Variants in ZNF350 observed in about 807,000 individuals in gnomAD.
The protein encoded by ZNF350 is KRAB zinc finger protein ZFQR.
ZNF350 carries 5 observed loss-of-function variants against 13.1 expected under a neutral mutation model. The ratio of observed to expected loss-of-function variants is 0.38; its 90% confidence interval spans 0.20 to 0.80. ZNF350 has a LOEUF of 0.80. Among genes scored for constraint, ZNF350 ranks in the 30% least tolerant of loss-of-function variants. ZNF350 has a pLI of 0.43. For missense variants in ZNF350, 534 were observed against 644.2 expected (o/e 0.83, Z 1.85); for synonymous variants, 199 against 224.2 (o/e 0.89, Z 1.00).
Position 51,976,569 on chromosome 19 carries a change from A to G in ZNF350, c.-171-2038T>C, listed in dbSNP as rs911704052. 4 of 152,398 alleles carry G rather than the reference A, an allele frequency of 2.6e-5. No homozygotes were observed. Among genetic ancestry groups the G allele is most frequent in the African/African-American group, 9.6e-5 (4 of 41,472 alleles). The allele number at this position is 152,398 out of a possible 1,614,324, so 9.4% of individuals were successfully genotyped here. On this transcript the variant is annotated intron_variant, in intron 1 of 4. Transcript: ENST00000243644. This position sits in a 1 kb window ranked among gnomAD's most constrained non-coding sequence, Gnocchi z 4.5. ...TGGGAAGAGTCTGCCGGCAGCAGAT[A>G]TAAGGTCAGTGCCCTAAAGAGGTAC...
rs3764538 is a variant in ZNF350, at chr19:51,965,334, G to T, written c.1119C>A (p.Pro373=). 227,434 of 1,613,836 alleles carry T rather than the reference G, an allele frequency of 0.14. 17,043 individuals are homozygous for T. The highest frequency in any genetic ancestry group is 0.24 in the South Asian group (21,848 of 91,074). ...KHQRIHTGEK[P]FECSECGKAF... Reference sequence around the variant, plus strand: ...CTTTCCCACATTCACTACATTCAAAGGGTTTCTCTCCTGTGTGAATTCTTT... The same window carrying T: ...CTTTCCCACATTCACTACATTCAAATGGTTTCTCTCCTGTGTGAATTCTTT... Residue 373 remains proline (P), a synonymous_variant, in exon 5 of 5, where the codon CCC becomes CCA. Transcript: ENST00000243644.
At chr19:51,975,206 C>T (rs1044951954) in intron 1 of ZNF350, among the ~76,000 whole-genome samples, 2 of 152,166 alleles carry the variant, frequency 1.3e-5, no homozygotes, top group African/African-American at 2.4e-5. Flanking sequence ...CAGTGGCTCA[C>T]GCCTGTAATC....
chr19:51,978,804 G>C (rs2122939921), intron 1 of ZNF350, among the ~76,000 whole-genome samples: 1 of 152,258 alleles, frequency 6.6e-6, no homozygotes, highest in African/African-American at 2.4e-5. Flanking sequence ...TAAATTTTCT[G>C]ACTCCCGGTA....
At chr19:51,986,195 C>A (rs972638019) in intron 1 of ZNF350, among the ~76,000 whole-genome samples, 10 of 152,054 alleles carry the variant, frequency 6.6e-5, no homozygotes, top group Non-Finnish European at 1.5e-4. Context: ...CCCCAAGGAT[C>A]AGAAGAGTAG....
In ZNF350 at chr19:51,964,794, C is replaced by A; in HGVS notation, c.*60G>T. On this transcript the variant is annotated 3_prime_UTR_variant, in exon 5 of 5. Transcript: ENST00000243644. ...TGTTCTCTCAGTGTATGCTTTTCGGCCACATAATGAACTACAAATTTTTGC... is the reference window on the plus strand; with the variant it reads ...TGTTCTCTCAGTGTATGCTTTTCGGACACATAATGAACTACAAATTTTTGC... The A allele has an allele frequency of 2.0e-6, 3 of 1,538,274 alleles. No individual in the cohort carries two copies. The highest frequency in any genetic ancestry group is 1.3e-5 in the South Asian group (1 of 79,286).
Position 51,966,085 on chromosome 19 carries a change from C to T in ZNF350, c.368G>A (p.Gly123Glu), listed in dbSNP as rs756884216. 1.2e-5 allele frequency: 19 copies of T among 1,613,800 alleles called. No homozygotes were observed. The highest frequency in any genetic ancestry group is 1.6e-5 in the Non-Finnish European group (19 of 1,180,010). Residue 123 changes from glycine (G) to glutamate (E), a missense_variant, in exon 5 of 5, where the codon GGG becomes GAG. Gly to Glu is a moderately conservative substitution (Grantham distance 98, BLOSUM62 -2). Transcript: ENST00000243644. ...VHCSKSQFLL[G>E]QNHDIFDLRG... ...TAAGTCAAATATATCATGATTTTGC[C>T]CTAACAGAAACTGACTTTTGCTGCA...
At chr19:51,971,012 A>C (rs563567979) in intron 2 of ZNF350, among the ~76,000 whole-genome samples, 1 of 152,314 alleles carries the variant, frequency 6.6e-6, no homozygotes, top group Non-Finnish European at 1.5e-5. Context: ...TAGGACTGAA[A>C]GGCATGGCTG....
intron 1 of ZNF350, among the ~76,000 whole-genome samples, chr19:51,978,596 T>C (rs2122938601): frequency 6.6e-6 from 1 of 152,264 alleles, no homozygotes; most frequent in South Asian, 2.1e-4. Flanking sequence ...TCCCAACCCA[T>C]AGCCTCTAAT....
At chr19:51,970,078 T>TTTTTTA (rs2085692616) in intron 2 of ZNF350, among the ~76,000 whole-genome samples, 7 of 149,204 alleles carry the variant, frequency 4.7e-5, no homozygotes, top group African/African-American at 1.2e-4. Flanking sequence ...TTTTTTTTTT[T>TTTTTTA]GAGACGGAGT....
intron 1 of ZNF350, among the ~76,000 whole-genome samples, chr19:51,982,554 G>A (rs1480747108): frequency 6.6e-6 from 1 of 152,112 alleles, no homozygotes; most frequent in Non-Finnish European, 1.5e-5. Context: ...TAAATGCAAA[G>A]ATGTACTATA....
chr19:51,968,746 C>A, intron 3 of ZNF350, 73 bp from the exon 4 acceptor site: 5 of 1,506,584 alleles, frequency 3.3e-6, no homozygotes, highest in Non-Finnish European at 4.6e-6. Context: ...AAGAATGTTA[C>A]ATTTCAAGAA....
At chr19:51,972,173 C>A (rs1294596804) in intron 2 of ZNF350, among the ~76,000 whole-genome samples, 3 of 151,452 alleles carry the variant, frequency 2.0e-5, no homozygotes, top group African/African-American at 7.3e-5. Flanking sequence ...TACAAAATTA[C>A]CAAGAGGGCC....
At chr19:51,981,136 T>G (rs1324624854) in intron 1 of ZNF350, 1 of 152,200 alleles carries the variant, frequency 6.6e-6, no homozygotes, top group Non-Finnish European at 1.5e-5. Context: ...TCAGGACTGC[T>G]CCTGCCAACA....
rs765514857 is a variant in ZNF350 at position 51,974,371 on chromosome 19, T to A, written c.-11A>T. The A allele has an allele frequency of 6.2e-7, 1 of 1,613,814 alleles. No individual in the cohort carries two copies. The highest frequency in any genetic ancestry group is 8.5e-7 in the Non-Finnish European group (1 of 1,179,834). On this transcript the variant is annotated 5_prime_UTR_variant, in exon 2 of 5. Transcript: ENST00000243644. The stretch of plus-strand genomic sequence containing the variant: ...CTGGGCCTGGATCATTTTCTTCTGT[T>A]CTTGGAAGACAGCATTCAACTGGGA...
At chr19:51,970,305 C>T (rs182441300) in intron 2 of ZNF350, among the ~76,000 whole-genome samples, 2 of 152,126 alleles carry the variant, frequency 1.3e-5, no homozygotes, top group African/African-American at 4.8e-5. Context: ...TTAGACGATC[C>T]ACCCACCTCA....
In ZNF350 at chr19:51,965,022, G is replaced by A; in HGVS notation, c.1431C>T (p.Gly477=). The change falls in exon 5 of 5, where the codon GGC becomes GGT. Residue 477 remains glycine (G), a synonymous_variant. Transcript: ENST00000243644. ...VAPQTSLNIS[G]LLANRNVVLV... is the part of the protein sequence containing the mutation. Reference sequence around the variant, plus strand: ...GGACTACGTTCCTGTTTGCGAGGAGGCCGCTGATGTTTAATGATGTCTGAG... The same window carrying A: ...GGACTACGTTCCTGTTTGCGAGGAGACCGCTGATGTTTAATGATGTCTGAG... 1 of 1,614,174 alleles carries A rather than the reference G, an allele frequency of 6.2e-7. No homozygotes were observed. Among genetic ancestry groups the A allele is most frequent in the South Asian group, 1.1e-5 (1 of 91,090 alleles).
At chr19:51,971,442 G>A (rs535861389) in intron 2 of ZNF350, among the ~76,000 whole-genome samples, 39 of 152,286 alleles carry the variant, frequency 2.6e-4, no homozygotes, top group African/African-American at 5.3e-4. Flanking sequence ...CCAAAGGTCC[G>A]TGGGACGTGA....
Position 51,979,117 on chromosome 19 carries a change from G to T in ZNF350, c.-171-4586C>A, listed in dbSNP as rs756784527. Among the ~76,000 whole-genome samples, 6 of 152,186 alleles carry T rather than the reference G, an allele frequency of 3.9e-5. No homozygotes were observed. In the East Asian group the frequency reaches 1.2e-3, roughly 29 times the overall value. On this transcript the variant is annotated intron_variant, in intron 1 of 4. Transcript: ENST00000243644. Reference sequence around the variant, plus strand: ...AGCCTGAGTGCAAAGATGGAGAGAAGGCCAACCAGAGTCATGATGACATCA... The same window carrying T: ...AGCCTGAGTGCAAAGATGGAGAGAATGCCAACCAGAGTCATGATGACATCA...
chr19:51,966,006 A>T lies in ZNF350; in HGVS notation c.447T>A (p.Tyr149Ter). Residue 149 changes from tyrosine to a stop codon, truncating the protein, a stop_gained, in exon 5 of 5, where the codon TAT (tyrosine) becomes TAA (stop). Transcript: ENST00000243644. LOFTEE classifies it low-confidence loss of function (END_TRUNC). ...TAAACTCAACAGAGTTCTTTATTTCATAGCCTTTGCTCTGGTTAACTAAAG... is the reference window on the plus strand; with the variant it reads ...TAAACTCAACAGAGTTCTTTATTTCTTAGCCTTTGCTCTGGTTAACTAAAG... Reference protein sequence around the residue: ...NLTLVNQSKGYEIKNSVEFTG... With the variant: ...NLTLVNQSKG 1 of 1,614,102 alleles carries T rather than the reference A, an allele frequency of 6.2e-7. No homozygotes were observed. Among genetic ancestry groups the T allele is most frequent in the Middle Eastern group, 1.6e-4 (1 of 6,062 alleles).
Sources: gnomAD v4.1 joint callset for allele counts (sites outside exome capture counted in the v4.1 genomes callset) on GRCh38, gnomAD v4.1.1 for gene constraint, Gnocchi (gnomAD v3.1) non-coding constraint, MANE v1.5 for transcripts, NCBI Gene and HGNC (gene_info 2026-07-23, HGNC 2026-07-21) for gene names.